Variants in PUS7 observed in about 807,000 individuals in gnomAD.
PUS7 encodes the protein pseudouridine synthase 7.
PUS7 carries 48 observed loss-of-function variants against 79.8 expected under a neutral mutation model. The ratio of observed to expected loss-of-function variants is 0.60; its 90% CI spans 0.48 to 0.76. PUS7 has a LOEUF of 0.76. Among genes scored for constraint, PUS7 ranks in the 30% least tolerant of loss-of-function variants. The pLI is 0.00. For synonymous variants in PUS7, 286 were observed against 272.2 expected (o/e 1.05, Z -0.50); for missense variants, 729 against 797.6 (o/e 0.91, Z 1.04).
At chr7:105,516,235 G>A (rs1242589011) in intron 1 of PUS7, among the ~76,000 whole-genome samples, 2 of 151,974 alleles carry the variant, frequency 1.3e-5, no homozygotes, top group East Asian at 1.9e-4. Flanking sequence ...ATGAGCCACC[G>A]CACCCGGCCC....
chr7:105,462,851 C>T (rs1252081105), intron 13 of PUS7, 101 bp from the exon 14 acceptor site: 2 of 1,130,436 alleles, frequency 1.8e-6, no homozygotes, highest in Non-Finnish European at 2.5e-6. Context: ...AGTTAGACTG[C>T]CCTAATAAAA....
intron 9 of PUS7, among the ~76,000 whole-genome samples, chr7:105,479,845 A>G (rs1269702235): frequency 6.6e-6 from 1 of 151,986 alleles, no homozygotes; most frequent in Non-Finnish European, 1.5e-5. Flanking sequence ...TAAAAATACA[A>G]AAATTAGCTG....
chr7:105,499,897 T>C (rs1004920626), intron 5 of PUS7, among the ~76,000 whole-genome samples: 1 of 152,234 alleles, frequency 6.6e-6, no homozygotes, highest in South Asian at 2.1e-4. Context: ...GGACAAGCTG[T>C]CGCTGGTAGA....
Position 105,474,612 on chromosome 7 carries a change from C to CA in PUS7, c.1176-2420dup, listed in dbSNP as rs10540161. On this transcript the variant is annotated intron_variant, in intron 9 of 15. Coordinates refer to ENST00000469408, the MANE Select transcript of PUS7 (RefSeq NM_019042.5). ...TGAAACCCCATCTCTACTAAAAATA[C>CA]AAAAAAAAAAAAAAAAAAAATAATC... Among the ~76,000 whole-genome samples the CA allele has an allele frequency of 1.4e-3, 182 of 126,400 alleles. 2 individuals are homozygous for CA. Among genetic ancestry groups the CA allele is most frequent in the Admixed American group, 2.4e-3 (29 of 12,290 alleles). The allele number at this position is 126,400 out of a possible 152,430, so 82.9% of individuals were successfully genotyped here. A position where few individuals can be genotyped will look rare whatever the true frequency, so the allele number is the denominator to read the frequency against.
intron 11 of PUS7, chr7:105,470,439 T>G: frequency 2.9e-6 from 1 of 347,792 alleles, no homozygotes; most frequent in Non-Finnish European, 5.2e-6. Flanking sequence ...TTACACAGAA[T>G]TTCCACTGAA....
chr7:105,467,736 G>A (rs772899034), intron 12 of PUS7, among the ~76,000 whole-genome samples: 15 of 151,868 alleles, frequency 9.9e-5, no homozygotes, highest in Non-Finnish European at 1.5e-4. Flanking sequence ...CCAGAGAGAG[G>A]TGCTTACTCA....
At chr7:105,457,996 T>A in intron 15 of PUS7, 70 bp from the exon 16 acceptor site, 1 of 1,542,210 alleles carries the variant, frequency 6.5e-7, no homozygotes, top group Non-Finnish European at 8.7e-7. Flanking sequence ...AGTCACATAA[T>A]CTCTAAGCAA....
chr7:105,477,286 C>G (rs915565136), intron 9 of PUS7, among the ~76,000 whole-genome samples: 1 of 151,830 alleles, frequency 6.6e-6, no homozygotes, highest in African/African-American at 2.4e-5. Flanking sequence ...TTCACTCTGT[C>G]GCCCAGGCTG....
rs55735838 is a variant in PUS7, at chr7:105,459,996, T to C, written c.1758-737A>G. On this transcript the variant is annotated intron_variant, in intron 14 of 15. Coordinates refer to ENST00000469408, the MANE Select transcript of PUS7 (RefSeq NM_019042.5). ...CTCTGTCGCCCAGGCTGGAGTGTAG[T>C]GGCGTGATCTTGGCTCACTGCAAGC... Among the ~76,000 whole-genome samples, 534 of 152,306 alleles carry C rather than the reference T, an allele frequency of 3.5e-3. 3 individuals carry two copies. Among genetic ancestry groups the C allele is most frequent in the Non-Finnish European group, 6.1e-3 (414 of 68,024 alleles).
chr7:105,492,786 C>T (rs761630547), intron 6 of PUS7, among the ~76,000 whole-genome samples: 6 of 151,366 alleles, frequency 4.0e-5, no homozygotes, highest in Non-Finnish European at 7.4e-5. Flanking sequence ...GGATTACAGG[C>T]GTGAGCCACC....
chr7:105,516,525 C>A (rs1236563151), intron 1 of PUS7, among the ~76,000 whole-genome samples: 1 of 151,884 alleles, frequency 6.6e-6, no homozygotes, highest in Non-Finnish European at 1.5e-5. Context: ...CTGATCTCGG[C>A]TCACAGCAAC....
intron 9 of PUS7, among the ~76,000 whole-genome samples, chr7:105,475,075 C>T (rs1001919014): frequency 3.9e-5 from 6 of 152,218 alleles, no homozygotes; most frequent in African/African-American, 1.4e-4. Flanking sequence ...TTTTCAACAC[C>T]TTTAAGATGC....
chr7:105,486,383 CTTATA>C (rs900772380), intron 7 of PUS7, among the ~76,000 whole-genome samples: 2 of 152,010 alleles, frequency 1.3e-5, no homozygotes, highest in African/African-American at 4.8e-5. Context: ...ATTTTCTTAT[CTTATA>C]TAACTTTTTC....
rs561319621 is a variant in PUS7, at chr7:105,473,953, G to T, written c.1176-1760C>A. Among the ~76,000 whole-genome samples, 11 of 152,308 alleles carry T rather than the reference G, an allele frequency of 7.2e-5. 1 individual carries two copies. The highest frequency in any genetic ancestry group is 2.6e-4 in the African/African-American group (11 of 41,564). ...TGTTAACACTTTAGAGCATATTTTT[G>T]TTGGCAAATCTATAAGTGTATGTAA... is the stretch of plus-strand genomic sequence containing the variant. On this transcript the variant is annotated intron_variant, in intron 9 of 15. Transcript: ENST00000469408.
chr7:105,468,603 C>T (rs1026603604), intron 11 of PUS7, 140 bp from the exon 12 acceptor site: 10 of 663,268 alleles, frequency 1.5e-5, no homozygotes, highest in African/African-American at 1.5e-4. Context: ...TTGTAGCCTC[C>T]ACCTCCCGGG....
At chr7:105,459,355 A>C in intron 14 of PUS7, 96 bp from the exon 15 acceptor site, 3 of 671,596 alleles carry the variant, frequency 4.5e-6, no homozygotes, top group Non-Finnish European at 7.2e-6. Context: ...AAAACAAGTA[A>C]GTTTACTGTA....
intron 1 of PUS7, among the ~76,000 whole-genome samples, chr7:105,519,864 G>A (rs1826036255): frequency 6.6e-6 from 1 of 152,220 alleles, no homozygotes; most frequent in Non-Finnish European, 1.5e-5. Flanking sequence ...AGGAAAAGAT[G>A]TGTGTGAGGA....
Position 105,508,550 on chromosome 7 carries a change from AG to A in PUS7, c.-32-7del. On this transcript the variant is annotated splice_region_variant and splice_polypyrimidine_tract_variant and intron_variant, in intron 1 of 15. Transcript: ENST00000469408. The stretch of plus-strand genomic sequence containing the variant: ...AAGAAAACATTTAAGAAAACCTGTT[AG>A]GAAAGAGTAGAAAGTAACAATCACC... The A allele has an allele frequency of 6.3e-7, 1 of 1,585,266 alleles. No homozygotes were observed. The highest frequency in any genetic ancestry group is 8.6e-7 in the Non-Finnish European group (1 of 1,167,066).
rs149876360 is a variant in PUS7, at chr7:105,508,452, T to C, written c.61A>G (p.Asn21Asp). Reference protein sequence around the residue: ...LKRGALVVEDNDSGVPVEETK... With the variant: ...LKRGALVVEDDDSGVPVEETK... ...TCTTCAACTGGGACTCCACTGTCAT[T>C]ATCTTCGACAACCAGTGCCCCACGT... Residue 21 changes from asparagine (N) to aspartate (D), a missense_variant, in exon 2 of 16, where the codon AAT becomes GAT. Transcript: ENST00000469408. 20 of 1,614,202 alleles carry C rather than the reference T, an allele frequency of 1.2e-5. No homozygotes were observed. In the East Asian group the frequency reaches 4.5e-4, roughly 36 times the overall value.
Sources: allele counts gnomAD v4.1 joint callset (sites outside exome capture counted in the v4.1 genomes callset), GRCh38; gene constraint gnomAD v4.1.1; transcripts MANE v1.5; gene names NCBI Gene and HGNC (gene_info 2026-07-23, HGNC 2026-07-21).